PPFIA2: variants seen among roughly 807,000 people sequenced by gnomAD.
The protein encoded by PPFIA2 is PPFI scaffold protein A2.
PPFIA2 carries 46 observed loss-of-function variants against 175.5 expected under a neutral mutation model. That is an observed-to-expected ratio of 0.26 (90% CI 0.21 to 0.34). PPFIA2 has a LOEUF of 0.34. Ranked by LOEUF, PPFIA2 falls within the 10% of genes least tolerant of loss-of-function variation. The pLI is 1.00. For missense variants in PPFIA2, 1,179 were observed against 1,506.1 expected (o/e 0.78, Z 3.60); for synonymous variants, 568 against 511.4 (o/e 1.11, Z -1.49).
Position 81,325,757 on chromosome 12 carries a change from G to C in PPFIA2, c.2642+20C>G. ...GAATTGATAAAAGTTAGAAAAAGAG[G>C]GAAAAATCCCCAAACCTACTTTTTC... On this transcript the variant is annotated intron_variant, in intron 22 of 32. Coordinates refer to ENST00000549396, the MANE Select transcript of PPFIA2 (RefSeq NM_003625.5). 1 of 1,561,720 alleles carries C rather than the reference G, an allele frequency of 6.4e-7. No individual in the cohort carries two copies. Among genetic ancestry groups the C allele is most frequent in the Non-Finnish European group, 8.8e-7 (1 of 1,134,342 alleles).
intron 22 of PPFIA2, among the ~76,000 whole-genome samples, chr12:81,324,423 T>C (rs539240379): frequency 1.3e-4 from 20 of 152,048 alleles, no homozygotes; most frequent in Non-Finnish European, 2.6e-4. Flanking sequence ...TGCCATTCTT[T>C]GTCAAATATT....
intron 4 of PPFIA2, among the ~76,000 whole-genome samples, chr12:81,658,662 T>C (rs2068210124): frequency 6.6e-6 from 1 of 151,952 alleles, no homozygotes; most frequent in Non-Finnish European, 1.5e-5. Context: ...TATATATGTG[T>C]GTGTATATGT....
chr12:81,368,786 G>C lies in PPFIA2; in HGVS notation c.1421C>G (p.Thr474Ser), dbSNP rs773503820. Reference sequence around the variant, plus strand: ...TAGTTGTAGGCGTTCATTGGATTCAGTCAGAAGTCTATCAACCGTATCCGA... The same window carrying C: ...TAGTTGTAGGCGTTCATTGGATTCACTCAGAAGTCTATCAACCGTATCCGA... Reference protein sequence around the residue: ...RLSDTVDRLLTESNERLQLHL... With the variant: ...RLSDTVDRLLSESNERLQLHL... Residue 474 changes from threonine (T) to serine (S), a missense_variant, in exon 13 of 33, where the codon ACT becomes AGT. Physicochemically the swap from Thr to Ser is moderately conservative, Grantham distance 58. Transcript: ENST00000549396. 6.2e-6 allele frequency: 10 copies of C among 1,610,566 alleles called. No individual in the cohort carries two copies. In the Admixed American group the frequency reaches 1.2e-4, roughly 19 times the overall value.
intron 4 of PPFIA2, among the ~76,000 whole-genome samples, chr12:81,649,047 G>T (rs900129035): frequency 1.3e-5 from 2 of 151,724 alleles, no homozygotes; most frequent in Non-Finnish European, 2.9e-5. Context: ...CAAAATCTTT[G>T]TCACCTTTAT....
rs115721066 is a variant in PPFIA2, at chr12:81,354,082, T to C, written c.1774-743A>G. Among the ~76,000 whole-genome samples, 700 of 152,344 alleles carry C rather than the reference T, an allele frequency of 4.6e-3. 3 individuals carry two copies. The highest frequency in any genetic ancestry group is 0.015 in the African/African-American group (631 of 41,584). On this transcript the variant is annotated intron_variant, in intron 16 of 32. Transcript: ENST00000549396. ...CATCTGAGCCTTCAGTGAGTTTTAATCTTTTTGCTGGTGGAAGGTCTTGCC... is the reference window on the plus strand; with the variant it reads ...CATCTGAGCCTTCAGTGAGTTTTAACCTTTTTGCTGGTGGAAGGTCTTGCC...
At chr12:81,405,320 C>A (rs1307965574) in intron 8 of PPFIA2, among the ~76,000 whole-genome samples, 1 of 152,074 alleles carries the variant, frequency 6.6e-6, no homozygotes, top group Non-Finnish European at 1.5e-5. Flanking sequence ...AGATTACCAA[C>A]AATTTTCGCA....
chr12:81,474,925 A>G (rs952330058), intron 4 of PPFIA2, among the ~76,000 whole-genome samples: 1 of 152,226 alleles, frequency 6.6e-6, no homozygotes, highest in African/African-American at 2.4e-5. Flanking sequence ...TGAAAAATCT[A>G]GATAGATGTT....
chr12:81,563,887 T>C (rs1175299022), intron 4 of PPFIA2, among the ~76,000 whole-genome samples: 1 of 152,216 alleles, frequency 6.6e-6, no homozygotes, highest in African/African-American at 2.4e-5. Context: ...ATAATTGTAA[T>C]AAAATGTGTT....
chr12:81,423,331 C>A (rs556518644), intron 7 of PPFIA2, among the ~76,000 whole-genome samples: 42 of 152,134 alleles, frequency 2.8e-4, no homozygotes, highest in Admixed American at 9.2e-4. Context: ...TTCTGATGAA[C>A]AAACATGCAA....
intron 6 of PPFIA2, 148 bp from the exon 7 acceptor site, chr12:81,440,194 C>A (rs760823865): frequency 2.3e-5 from 12 of 532,548 alleles, no homozygotes; most frequent in Non-Finnish European, 3.8e-5. Context: ...CTAAATCTGG[C>A]AGAAATACAA....
chr12:81,606,648 A>C (rs2060353299), intron 4 of PPFIA2, among the ~76,000 whole-genome samples: 1 of 151,948 alleles, frequency 6.6e-6, no homozygotes, highest in African/African-American at 2.4e-5. Flanking sequence ...TCCTTTGCCC[A>C]TTTTTAATGA....
At chr12:81,453,195 T>C (rs1475562039) in intron 5 of PPFIA2, among the ~76,000 whole-genome samples, 1 of 135,420 alleles carries the variant, frequency 7.4e-6, no homozygotes, top group Non-Finnish European at 1.5e-5. Flanking sequence ...CCTTCCTGTG[T>C]CCATGTGATC....
At chr12:81,274,770 T>C (rs1365714944) in intron 28 of PPFIA2, among the ~76,000 whole-genome samples, 1 of 152,230 alleles carries the variant, frequency 6.6e-6, no homozygotes, top group African/African-American at 2.4e-5. Flanking sequence ...CCCTAGTCAC[T>C]GTTGAGAATT....
intron 28 of PPFIA2, among the ~76,000 whole-genome samples, chr12:81,274,168 A>T (rs1297766483): frequency 6.6e-6 from 1 of 152,204 alleles, no homozygotes; most frequent in African/African-American, 2.4e-5. Flanking sequence ...AAAGCTAGGC[A>T]AGTGCTTGTG....
chr12:81,632,115 T>C (rs1235513669), intron 4 of PPFIA2, among the ~76,000 whole-genome samples: 1 of 152,220 alleles, frequency 6.6e-6, no homozygotes, highest in Non-Finnish European at 1.5e-5. Context: ...TAGAAAATAT[T>C]CATTAACAGA....
At chr12:81,390,350 G>A (rs562086101) in intron 8 of PPFIA2, among the ~76,000 whole-genome samples, 1 of 152,066 alleles carries the variant, frequency 6.6e-6, no homozygotes, top group African/African-American at 2.4e-5. Flanking sequence ...AACATGTTGA[G>A]GAAATGTTTT....
intron 9 of PPFIA2, among the ~76,000 whole-genome samples, chr12:81,381,702 C>A (rs151089352): frequency 6.6e-6 from 1 of 152,068 alleles, no homozygotes; most frequent in Non-Finnish European, 1.5e-5. Flanking sequence ...AGAAGAGATG[C>A]ATCCATGAAC....
At chr12:81,709,914 T>A (rs2400972) in intron 3 of PPFIA2, among the ~76,000 whole-genome samples, 49,590 of 151,924 alleles carry the variant, frequency 0.33, 8,887 homozygotes, top group Middle Eastern at 0.49. Context: ...ATTGCCATAC[T>A]GTCTTCCCAA....
chr12:81,344,558 C>G, intron 19 of PPFIA2, 106 bp downstream of exon 19: 1 of 781,952 alleles, frequency 1.3e-6, no homozygotes, highest in African/African-American at 1.8e-5. Context: ...ATACTCTCAA[C>G]TTTTTAATGT....
Sources: gnomAD v4.1 joint callset for allele counts (sites outside exome capture counted in the v4.1 genomes callset) on GRCh38, gnomAD v4.1.1 for gene constraint, MANE v1.5 for transcripts, NCBI Gene and HGNC (gene_info 2026-07-23, HGNC 2026-07-21) for gene names.